JAZF1: variants seen among roughly 807,000 people sequenced by gnomAD.
JAZF1 encodes JAZF zinc finger 1, also known as juxtaposed with another zinc finger protein 1.
Under a neutral mutation model 26.4 loss-of-function variants are expected in JAZF1, and 8 were observed. The ratio of observed to expected loss-of-function variants is 0.30; its 90% CI spans 0.18 to 0.55. The LOEUF (loss-of-function observed/expected upper bound fraction) is 0.55. JAZF1 is among the 20% of genes least tolerant of loss of function. The pLI is 0.94. For synonymous variants in JAZF1, 126 were observed against 122.3 expected, an observed-to-expected ratio of 1.03 and a Z score of -0.20; for missense variants, 199 against 322.0, an observed-to-expected ratio of 0.62 and a Z score of 2.92.
At chr7:28,034,181 G>C (rs1388000877) in intron 1 of JAZF1, among the ~76,000 whole-genome samples, 1 of 152,014 alleles carries the variant, frequency 6.6e-6, no homozygotes, top group Non-Finnish European at 1.5e-5. Flanking sequence ...GTGTTCTACT[G>C]ATCCCAGGCA....
chr7:27,995,724 T>G (rs1786002055), intron 1 of JAZF1, among the ~76,000 whole-genome samples: 1 of 152,188 alleles, frequency 6.6e-6, no homozygotes, highest in Non-Finnish European at 1.5e-5. Context: ...CACAGCTCTA[T>G]TATAAGGACT....
intron 2 of JAZF1, among the ~76,000 whole-genome samples, chr7:27,954,395 C>T (rs571841698): frequency 1.6e-4 from 25 of 152,162 alleles, no homozygotes; most frequent in Admixed American, 7.2e-4. Flanking sequence ...AGAGTATGGT[C>T]GGCAGTGGGT....
chr7:27,999,168 T>C (rs1044276391), intron 1 of JAZF1, among the ~76,000 whole-genome samples: 6 of 152,152 alleles, frequency 3.9e-5, no homozygotes, highest in Non-Finnish European at 7.4e-5. Context: ...CCCTGGAAAC[T>C]GGGGTGCTGA....
rs548721202 is a variant in JAZF1 at position 27,981,671 on chromosome 7, T to C, written c.188+10238A>G. The stretch of plus-strand genomic sequence containing the variant: ...ACCTGGGTGGTGGGAATGTGATGTT[T>C]TAATTTGTTTTTACATTTTTGTCAG... On this transcript the variant is annotated intron_variant, in intron 2 of 4. Transcript: ENST00000283928. Among the ~76,000 whole-genome samples the C allele has an allele frequency of 1.1e-4, 16 of 152,342 alleles. No homozygotes were observed. In the East Asian group the frequency reaches 2.9e-3, roughly 28 times the overall value.
chr7:27,909,002 TATTC>T (rs71555720), intron 2 of JAZF1, among the ~76,000 whole-genome samples: 2,566 of 150,528 alleles, frequency 0.017, 73 homozygotes, highest in African/African-American at 0.059. Context: ...ACTTGAATAA[TATTC>T]ATTCATTCAT....
intron 2 of JAZF1, among the ~76,000 whole-genome samples, chr7:27,986,813 G>A (rs1248809089): frequency 6.6e-6 from 1 of 152,154 alleles, no homozygotes; most frequent in Admixed American, 6.5e-5. Context: ...GCGCTGCCAT[G>A]CCTGACTGGT....
intron 2 of JAZF1, among the ~76,000 whole-genome samples, chr7:27,925,343 A>G (rs991172747): frequency 2.0e-5 from 3 of 152,258 alleles, no homozygotes; most frequent in Non-Finnish European, 4.4e-5. Context: ...AGCTGAAAAC[A>G]TATTTTGAGC....
intron 1 of JAZF1, among the ~76,000 whole-genome samples, chr7:27,996,228 G>GT (rs1786013267): frequency 1.3e-5 from 2 of 152,190 alleles, no homozygotes; most frequent in Admixed American, 6.5e-5. Flanking sequence ...TACTTATAAT[G>GT]TAAGAAAGTC....
At chr7:28,137,061 T>C (rs1681306747) in intron 1 of JAZF1, among the ~76,000 whole-genome samples, 1 of 152,286 alleles carries the variant, frequency 6.6e-6, no homozygotes, top group Non-Finnish European at 1.5e-5. Flanking sequence ...CCTGATACCA[T>C]CTTACCGAGG....
intron 2 of JAZF1, among the ~76,000 whole-genome samples, chr7:27,970,089 T>A (rs1785349544): frequency 6.6e-6 from 1 of 152,058 alleles, no homozygotes; most frequent in Admixed American, 6.6e-5. Context: ...GACTTTGTAA[T>A]AAACTAGACA....
In JAZF1 at chr7:27,960,103, T is replaced by C. The variant is rs895617753; in HGVS notation, c.188+31806A>G. Among the ~76,000 whole-genome samples, 6 of 152,334 alleles carry C rather than the reference T, an allele frequency of 3.9e-5. No homozygotes were observed. The South Asian group carries it at 1.0e-3, about 26-fold the overall frequency. On this transcript the variant is annotated intron_variant, in intron 2 of 4. Transcript: ENST00000283928. ...ATTTAAATCCCTCAATTCTTCTCTC[T>C]GGAAAAGGTATACATCTGTGAGCAC...
intron 2 of JAZF1, among the ~76,000 whole-genome samples, chr7:27,982,313 T>TGGTTCAGAGGGTCCCACGCCC: frequency 6.6e-6 from 1 of 151,860 alleles, no homozygotes; most frequent in Admixed American, 6.6e-5. Flanking sequence ...ATCCCGCGCA[T>TGGTTCAGAGGGTCCCACGCCC]GGCTCAGAGG....
chr7:27,950,967 A>T (rs764391532), intron 2 of JAZF1, among the ~76,000 whole-genome samples: 1 of 152,052 alleles, frequency 6.6e-6, no homozygotes, highest in Non-Finnish European at 1.5e-5. Flanking sequence ...TTCTCTTCTA[A>T]TTTTCTGCAA....
At position 27,974,120 on chromosome 7, in the gene JAZF1, G is replaced by A. The variant is rs530514137; in HGVS notation, c.188+17789C>T. Among the ~76,000 whole-genome samples the A allele has an allele frequency of 7.2e-4, 109 of 152,244 alleles. 1 individual carries two copies. The highest frequency in any genetic ancestry group is 1.3e-3 in the Non-Finnish European group (86 of 68,008). ...TCAAAAAAAGAGGAGGCACTCTGGA[G>A]AAGGATATAAAATAACGGGCCTGGC... On this transcript the variant is annotated intron_variant, in intron 2 of 4. Coordinates refer to ENST00000283928, the MANE Select transcript of JAZF1 (RefSeq NM_175061.4).
intron 1 of JAZF1, among the ~76,000 whole-genome samples, chr7:27,995,804 TG>T (rs1786004023): frequency 6.6e-6 from 1 of 152,184 alleles, no homozygotes; most frequent in African/African-American, 2.4e-5. Flanking sequence ...TAGTAACTTA[TG>T]GTTTTACAGA....
chr7:28,120,498 G>GTTTTTTTTT (rs1345204155), intron 1 of JAZF1, among the ~76,000 whole-genome samples: 1 of 41,070 alleles, frequency 2.4e-5, no homozygotes, highest in African/African-American at 7.4e-5. Context: ...GCCACACACA[G>GTTTTTTTTT]TTCTTTTTTT....
rs879695235 is a variant in JAZF1 at position 28,178,411 on chromosome 7, T to A, written c.115+2052A>T. Among the ~76,000 whole-genome samples the A allele has an allele frequency of 2.0e-4, 30 of 152,330 alleles. 2 individuals are homozygous for A. The highest frequency in any genetic ancestry group is 2.0e-3 in the Admixed American group (30 of 15,302). On this transcript the variant is annotated intron_variant, in intron 1 of 4. Coordinates refer to ENST00000283928, the MANE Select transcript of JAZF1 (RefSeq NM_175061.4). The stretch of plus-strand genomic sequence containing the variant: ...GTAGGCAATGGGGTAAAATTATTAC[T>A]CAGCTTATATAAATTATAGTTTATT...
intron 1 of JAZF1, among the ~76,000 whole-genome samples, chr7:28,157,455 C>CTTTA: frequency 6.6e-6 from 1 of 152,318 alleles, no homozygotes; most frequent in Middle Eastern, 3.4e-3. Flanking sequence ...TCCAATAAAA[C>CTTTA]TTTATTTATG....
At chr7:28,127,203 C>T (rs575475922) in intron 1 of JAZF1, among the ~76,000 whole-genome samples, 18 of 152,322 alleles carry the variant, frequency 1.2e-4, no homozygotes, top group African/African-American at 4.1e-4. Context: ...ACAGACCCTT[C>T]CTGCAGAGCA....
Sources: allele counts gnomAD v4.1 joint callset (sites outside exome capture counted in the v4.1 genomes callset), GRCh38; gene constraint gnomAD v4.1.1; transcripts MANE v1.5; gene names NCBI Gene and HGNC (gene_info 2026-07-23, HGNC 2026-07-21).